NELL1: variants seen among roughly 807,000 people sequenced by gnomAD.
The protein encoded by NELL1 is protein kinase C-binding protein NELL1.
A neutral mutation model predicts 107.4 loss-of-function variants in NELL1; 76 were observed. The observed-to-expected ratio is 0.71, with a 90% CI of 0.59 to 0.86. The LOEUF (loss-of-function observed/expected upper bound fraction) is 0.86, where lower values mean the gene tolerates loss of function less well. NELL1 is among the 40% of genes least tolerant of loss of function. The pLI is 0.00. For synonymous variants in NELL1, 353 were observed against 341.2 expected (o/e 1.03, Z -0.38); for missense variants, 1,024 against 1,005.5 (o/e 1.02, Z -0.25).
intron 9 of NELL1, among the ~76,000 whole-genome samples, chr11:20,933,467 G>A (rs1850659131): frequency 1.3e-5 from 2 of 152,194 alleles, no homozygotes; most frequent in Admixed American, 1.3e-4. Flanking sequence ...AGTTAGAGAT[G>A]CCTGAGGTAC....
intron 3 of NELL1, among the ~76,000 whole-genome samples, chr11:20,787,332 A>C (rs985042562): frequency 1.3e-5 from 2 of 152,130 alleles, no homozygotes; most frequent in Admixed American, 1.3e-4. Flanking sequence ...ATAGAGAAGA[A>C]TATATAATGG....
chr11:20,797,867 G>A (rs76899146), intron 3 of NELL1, among the ~76,000 whole-genome samples: 2,993 of 152,232 alleles, frequency 0.02, 102 homozygotes, highest in African/African-American at 0.068. Context: ...CCAATTCTTT[G>A]CATTTACTTT....
At chr11:21,275,021 C>T (rs1848823280) in intron 14 of NELL1, among the ~76,000 whole-genome samples, 1 of 152,096 alleles carries the variant, frequency 6.6e-6, no homozygotes, top group Non-Finnish European at 1.5e-5. Context: ...CATTCAAAAG[C>T]TAGCAGAAGG....
intron 13 of NELL1, among the ~76,000 whole-genome samples, chr11:21,148,397 C>T (rs191219255): frequency 2.1e-3 from 313 of 152,098 alleles, no homozygotes; most frequent in African/African-American, 7.2e-3. Flanking sequence ...GTATTTCAGT[C>T]AGAAGAATGG....
rs530100662 is a variant in NELL1 at position 20,715,241 on chromosome 11, A to T, written c.184+37181A>T. Among the ~76,000 whole-genome samples, 115 of 151,996 alleles carry T rather than the reference A, an allele frequency of 7.6e-4. 1 individual carries two copies. Among genetic ancestry groups the T allele is most frequent in the African/African-American group, 2.7e-3 (112 of 41,482 alleles). On this transcript the variant is annotated intron_variant, in intron 2 of 19. Transcript: ENST00000357134. ...GCCTGGGGACAGAGTGAGAAAAAAA[A>T]AATTATATATTGCGCTTAATTCCTA... is the stretch of plus-strand genomic sequence containing the variant.
chr11:20,924,620 T>TTG (rs1236155080), intron 7 of NELL1, among the ~76,000 whole-genome samples: 6 of 152,190 alleles, frequency 3.9e-5, no homozygotes, highest in Admixed American at 3.9e-4. Flanking sequence ...GGCCATTTAG[T>TTG]CCTTAAGAAG....
chr11:21,052,490 G>T (rs1266758801), intron 12 of NELL1, among the ~76,000 whole-genome samples: 1 of 152,078 alleles, frequency 6.6e-6, no homozygotes, highest in East Asian at 1.9e-4. Context: ...TATATGTTGG[G>T]AGTATAGCCA....
intron 13 of NELL1, among the ~76,000 whole-genome samples, chr11:21,186,631 A>C (rs1165289862): frequency 6.6e-6 from 1 of 151,852 alleles, no homozygotes. Context: ...GGTTTCAAGG[A>C]AAGGCTAATA....
At chr11:21,043,579 C>T (rs903157465) in intron 12 of NELL1, among the ~76,000 whole-genome samples, 3 of 152,054 alleles carry the variant, frequency 2.0e-5, no homozygotes, top group African/African-American at 7.2e-5. Context: ...GGATTCTAAG[C>T]AGAGATGTAA....
At chr11:20,955,172 A>C (rs1415177648) in intron 11 of NELL1, among the ~76,000 whole-genome samples, 1 of 152,208 alleles carries the variant, frequency 6.6e-6, no homozygotes, top group Admixed American at 6.5e-5. Context: ...TGCTAGTTTT[A>C]ATGATTATTG....
intron 12 of NELL1, among the ~76,000 whole-genome samples, chr11:21,048,002 G>A (rs114514959): frequency 0.018 from 2,724 of 152,232 alleles, 66 homozygotes; most frequent in African/African-American, 0.054. Context: ...CCCTTATGCT[G>A]ATGGCAGTTC....
chr11:21,132,598 A>G (rs947544054), intron 13 of NELL1, among the ~76,000 whole-genome samples: 2 of 152,132 alleles, frequency 1.3e-5, no homozygotes, highest in African/African-American at 4.8e-5. Flanking sequence ...ATGTACCACA[A>G]GTGGCTTCCA....
chr11:21,383,504 C>T (rs1263681588), intron 15 of NELL1, among the ~76,000 whole-genome samples: 2 of 151,716 alleles, frequency 1.3e-5, no homozygotes, highest in Non-Finnish European at 2.9e-5. Context: ...TGGGCCTCTT[C>T]CTACCTCTCC....
At chr11:20,934,389 T>G (rs2896620) in intron 9 of NELL1, among the ~76,000 whole-genome samples, 127,098 of 152,228 alleles carry the variant, frequency 0.83, 53,996 homozygotes, top group East Asian at 1. Flanking sequence ...GCTATGTGAG[T>G]ACATAAAGTT....
chr11:21,556,026 A>G (rs1856695869), intron 16 of NELL1, among the ~76,000 whole-genome samples: 1 of 151,926 alleles, frequency 6.6e-6, no homozygotes, highest in South Asian at 2.1e-4. Flanking sequence ...CAGACTTCAG[A>G]TTCGCTACTT....
chr11:20,827,079 C>T lies in NELL1; in HGVS notation c.336-20504C>T, dbSNP rs115283586. Among the ~76,000 whole-genome samples the T allele has an allele frequency of 1.8e-3, 276 of 151,122 alleles. 5 individuals are homozygous for T. The highest frequency in any genetic ancestry group is 6.3e-3 in the African/African-American group (263 of 41,438). On this transcript the variant is annotated intron_variant, in intron 3 of 19. Coordinates refer to ENST00000357134, the MANE Select transcript of NELL1 (RefSeq NM_006157.5). Reference sequence around the variant, plus strand: ...CAGCCCTGGTTTTGCAATAGGAGTGCGGAAAGAACCATGGCTTGGTTTATC... The same window carrying T: ...CAGCCCTGGTTTTGCAATAGGAGTGTGGAAAGAACCATGGCTTGGTTTATC...
rs148467211 is a variant in NELL1 at position 21,007,506 on chromosome 11, G to T, written c.1300+46946G>T. Among the ~76,000 whole-genome samples the T allele has an allele frequency of 1.8e-4, 28 of 152,194 alleles. No homozygotes were observed. In the East Asian group the frequency reaches 4.5e-3, roughly 24 times the overall value. On this transcript the variant is annotated intron_variant, in intron 12 of 19. Coordinates refer to ENST00000357134, the MANE Select transcript of NELL1 (RefSeq NM_006157.5). ...CCTGGGGCCGCTCTCTGCAGGAACT[G>T]CTGAAACCCTTGCCTGGAGCTTTTT...
At chr11:21,091,309 T>C (rs1260152677) in intron 12 of NELL1, among the ~76,000 whole-genome samples, 2 of 152,316 alleles carry the variant, frequency 1.3e-5, no homozygotes, top group East Asian at 3.9e-4. Flanking sequence ...TTCCAGCTAG[T>C]TAAAAACTGG....
chr11:21,152,612 G>C (rs1856143899), intron 13 of NELL1, among the ~76,000 whole-genome samples: 1 of 152,120 alleles, frequency 6.6e-6, no homozygotes, highest in Admixed American at 6.6e-5. Context: ...TAGATGTCAA[G>C]TTATTAGCAT....
Sources: allele counts gnomAD v4.1 joint callset (sites outside exome capture counted in the v4.1 genomes callset), GRCh38; gene constraint gnomAD v4.1.1; transcripts MANE v1.5; gene names NCBI Gene and HGNC (gene_info 2026-07-23, HGNC 2026-07-21).